NR3C2: variants seen among roughly 807,000 people sequenced by gnomAD.
NR3C2 encodes the protein nuclear receptor subfamily 3 group C member 2, also known as mineralocorticoid receptor.
In NR3C2, 15 loss-of-function variants were observed where a neutral mutation model predicts 86.4. The observed-to-expected ratio is 0.17, with a 90% confidence interval of 0.12 to 0.27. The LOEUF (loss-of-function observed/expected upper bound fraction) is 0.27. Ranked by LOEUF, NR3C2 falls within the 10% of genes least tolerant of loss-of-function variation. The probability of loss-of-function intolerance (pLI) is 1.00; values close to 1 mark genes in which losing one functional copy is unlikely to be tolerated. For missense variants in NR3C2, 960 were observed against 1,195.6 expected, an observed-to-expected ratio of 0.80 and a Z score of 2.91; for synonymous variants, 458 against 450.5, an observed-to-expected ratio of 1.02 and a Z score of -0.21.
At position 148,361,901 on chromosome 4, in the gene NR3C2, G is replaced by A. The variant is rs754112727; in HGVS notation, c.1757+73203C>T. Among the ~76,000 whole-genome samples, 7 of 152,134 alleles carry A rather than the reference G, an allele frequency of 4.6e-5. No individual in the cohort carries two copies. In the South Asian group the frequency reaches 6.2e-4, roughly 13 times the overall value. Reference sequence around the variant, plus strand: ...CACCAAGGCTGGAGTGCAGTGGCACGATCTTGGCTTACTGCAACCTCTGCC... The same window carrying A: ...CACCAAGGCTGGAGTGCAGTGGCACAATCTTGGCTTACTGCAACCTCTGCC... On this transcript the variant is annotated intron_variant, in intron 2 of 8. Transcript: ENST00000358102.
At chr4:148,369,810 G>A (rs775148445) in intron 2 of NR3C2, among the ~76,000 whole-genome samples, 7 of 152,126 alleles carry the variant, frequency 4.6e-5, no homozygotes, top group African/African-American at 7.2e-5. Context: ...CAGTGAAGGC[G>A]ATAAAATAAA....
rs554512654 is a variant in NR3C2 at position 148,177,655 on chromosome 4, G to A, written c.2014+17091C>T. Among the ~76,000 whole-genome samples the A allele has an allele frequency of 2.6e-5, 4 of 152,330 alleles. No individual in the cohort carries two copies. In the South Asian group the frequency reaches 8.3e-4, roughly 32 times the overall value. ...ATGTTTACAACTTTGAGAAAAGTCT[G>A]AGGCGGATGACACCAGTCAATTCTC... On this transcript the variant is annotated intron_variant, in intron 4 of 8. Coordinates refer to ENST00000358102, the MANE Select transcript of NR3C2 (RefSeq NM_000901.5).
chr4:148,309,047 CA>C (rs1052682750), intron 2 of NR3C2, among the ~76,000 whole-genome samples: 79 of 144,926 alleles, frequency 5.5e-4, no homozygotes, highest in African/African-American at 1.7e-3. Context: ...GTTTTCAATA[CA>C]AAAAAAAAAG....
At chr4:148,339,879 A>C (rs1237098355) in intron 2 of NR3C2, among the ~76,000 whole-genome samples, 3 of 152,210 alleles carry the variant, frequency 2.0e-5, no homozygotes, top group Non-Finnish European at 4.4e-5. Flanking sequence ...ACATACAAAA[A>C]AATCAGTAGC....
intron 4 of NR3C2, among the ~76,000 whole-genome samples, chr4:148,173,838 AC>A (rs1433858583): frequency 3.3e-5 from 5 of 152,212 alleles, no homozygotes; most frequent in Admixed American, 3.3e-4. Flanking sequence ...CTGCTTCAGC[AC>A]TGAAGCGAAG....
chr4:148,292,850 G>T (rs1741861000), intron 2 of NR3C2, among the ~76,000 whole-genome samples: 4 of 152,068 alleles, frequency 2.6e-5, no homozygotes. Flanking sequence ...TAGAAAAATA[G>T]ATTTGATAGA....
chr4:148,190,972 C>T (rs1317175728), intron 4 of NR3C2, among the ~76,000 whole-genome samples: 1 of 152,062 alleles, frequency 6.6e-6, no homozygotes, highest in African/African-American at 2.4e-5. Context: ...CACTAATATT[C>T]AATGTTATTA....
At chr4:148,427,312 T>C (rs1462163254) in intron 2 of NR3C2, among the ~76,000 whole-genome samples, 1 of 152,086 alleles carries the variant, frequency 6.6e-6, no homozygotes, top group East Asian at 1.9e-4. Context: ...TTTTTGCCGA[T>C]TTTCCACATA....
intron 2 of NR3C2, among the ~76,000 whole-genome samples, chr4:148,345,916 A>C (rs1317542004): frequency 6.6e-6 from 1 of 152,126 alleles, no homozygotes; most frequent in Non-Finnish European, 1.5e-5. Flanking sequence ...TTTACAAATG[A>C]TGAGAGCTAT....
chr4:148,438,938 T>G (rs1162693270), intron 1 of NR3C2, among the ~76,000 whole-genome samples: 1 of 152,212 alleles, frequency 6.6e-6, no homozygotes, highest in Non-Finnish European at 1.5e-5. Flanking sequence ...AATCTACCAA[T>G]TATGTAGTAT....
At chr4:148,314,380 CTTTGCA>C (rs1463233639) in intron 2 of NR3C2, among the ~76,000 whole-genome samples, 1 of 152,038 alleles carries the variant, frequency 6.6e-6, no homozygotes, top group East Asian at 1.9e-4. Context: ...TATTAGAACT[CTTTGCA>C]TTTGAGAGCT....
intron 2 of NR3C2, among the ~76,000 whole-genome samples, chr4:148,358,153 T>C (rs575242312): frequency 1.3e-5 from 2 of 152,120 alleles, no homozygotes; most frequent in East Asian, 1.9e-4. Context: ...ATTATGCTGC[T>C]AAAAAGACAC....
chr4:148,330,093 T>C (rs1744157721), intron 2 of NR3C2, among the ~76,000 whole-genome samples: 2 of 152,104 alleles, frequency 1.3e-5, no homozygotes, highest in African/African-American at 4.8e-5. Flanking sequence ...GTTTCTAAGG[T>C]TTAATCTCTC....
At chr4:148,107,180 C>T (rs899193782) in intron 8 of NR3C2, among the ~76,000 whole-genome samples, 5 of 152,158 alleles carry the variant, frequency 3.3e-5, no homozygotes, top group Non-Finnish European at 4.4e-5. Flanking sequence ...AAACCAAAAA[C>T]CCCATCAAAA....
In NR3C2 at chr4:148,102,234, G is replaced by T. The variant is rs183047077; in HGVS notation, c.2799+11870C>A. ...TTTCCTCTGGACCCTCTTCCGTTCT[G>T]TGCCCTCTTCTTGAGCTGCACCAAC... On this transcript the variant is annotated intron_variant, in intron 8 of 8. Transcript: ENST00000358102. Among the ~76,000 whole-genome samples, 29 of 152,188 alleles carry T rather than the reference G, an allele frequency of 1.9e-4. No homozygotes were observed. The East Asian group carries it at 1.9e-3, about 10-fold the overall frequency.
intron 2 of NR3C2, among the ~76,000 whole-genome samples, chr4:148,357,499 A>T (rs780283223): frequency 6.6e-6 from 1 of 152,174 alleles, no homozygotes; most frequent in African/African-American, 2.4e-5. Context: ...TAAATATAAC[A>T]TGGAAGTCTC....
At chr4:148,405,800 G>A (rs2126547926) in intron 2 of NR3C2, among the ~76,000 whole-genome samples, 1 of 152,308 alleles carries the variant, frequency 6.6e-6, no homozygotes, top group Non-Finnish European at 1.5e-5. Context: ...CAGTGTCACT[G>A]GCCTTGCTGG....
chr4:148,270,464 A>G (rs1241173860), intron 2 of NR3C2, among the ~76,000 whole-genome samples: 3 of 152,226 alleles, frequency 2.0e-5, no homozygotes, highest in Admixed American at 6.5e-5. Context: ...CTAAAAATCT[A>G]TAAATACTTC....
At chr4:148,339,510 T>C (rs1367162210) in intron 2 of NR3C2, among the ~76,000 whole-genome samples, 1 of 152,202 alleles carries the variant, frequency 6.6e-6, no homozygotes, top group African/African-American at 2.4e-5. Context: ...ATGTTCATAT[T>C]TGGTAATTAT....
Sources: gnomAD v4.1 joint callset for allele counts (sites outside exome capture counted in the v4.1 genomes callset) on GRCh38, gnomAD v4.1.1 for gene constraint, MANE v1.5 for transcripts, NCBI Gene and HGNC (gene_info 2026-07-23, HGNC 2026-07-21) for gene names.